Variants in KAZN observed in about 807,000 individuals in gnomAD.
The protein encoded by KAZN is kazrin.
In KAZN, 40 loss-of-function variants were observed where a neutral mutation model predicts 87.4. The ratio of observed to expected loss-of-function variants is 0.46; its 90% CI spans 0.36 to 0.60. The LOEUF is 0.60. Among genes scored for constraint, KAZN ranks in the 20% least tolerant of loss-of-function variants. The probability of loss-of-function intolerance (pLI) is 0.00; values close to 1 mark genes in which losing one functional copy is unlikely to be tolerated. For synonymous variants in KAZN, 466 were observed against 458.3 expected (o/e 1.02, Z -0.22); for missense variants, 898 against 1,073.9 (o/e 0.84, Z 2.29).
At chr1:14,035,950 G>T (rs1641536480) in intron 1 of KAZN, among the ~76,000 whole-genome samples, 1 of 152,178 alleles carries the variant, frequency 6.6e-6, no homozygotes, top group Non-Finnish European at 1.5e-5. Flanking sequence ...TTATCCCTTG[G>T]CAGGCTCAGG....
chr1:14,747,208 A>G (rs1233901852), intron 1 of KAZN, among the ~76,000 whole-genome samples: 1 of 152,146 alleles, frequency 6.6e-6, no homozygotes, highest in Non-Finnish European at 1.5e-5. Context: ...TGTGGTGTGT[A>G]TGTGTATGTA....
intron 1 of KAZN, among the ~76,000 whole-genome samples, chr1:14,636,378 G>T (rs533322643): frequency 6.6e-6 from 1 of 152,240 alleles, no homozygotes; most frequent in Non-Finnish European, 1.5e-5. Flanking sequence ...TGGAGAGAGT[G>T]TTGTCTGACC....
At chr1:14,045,467 A>G (rs1883646) in intron 1 of KAZN, among the ~76,000 whole-genome samples, 21,486 of 152,232 alleles carry the variant, frequency 0.14, 1,916 homozygotes, top group Middle Eastern at 0.25. Flanking sequence ...TCCATAACCC[A>G]ATTGTAAGGA....
chr1:14,593,907 C>T (rs778384252), upstream of KAZN, among the ~76,000 whole-genome samples: 7 of 152,144 alleles, frequency 4.6e-5, no homozygotes, highest in Non-Finnish European at 7.3e-5. Context: ...GGAAGTGCCA[C>T]GTGACACACA....
At chr1:14,905,442 G>A (rs1333752936) in intron 1 of KAZN, among the ~76,000 whole-genome samples, 1 of 152,180 alleles carries the variant, frequency 6.6e-6, no homozygotes, top group Non-Finnish European at 1.5e-5. Flanking sequence ...ACAAAGGCCT[G>A]CACTGGAAAA....
intron 13 of KAZN, among the ~76,000 whole-genome samples, chr1:15,105,664 A>G (rs1390669464): frequency 3.9e-5 from 6 of 152,036 alleles, no homozygotes; most frequent in East Asian, 1.9e-4. Context: ...CTAAACCCCT[A>G]AACCACATGG....
At chr1:14,987,079 G>C (rs1666895536) in intron 2 of KAZN, among the ~76,000 whole-genome samples, 1 of 152,134 alleles carries the variant, frequency 6.6e-6, no homozygotes, top group Non-Finnish European at 1.5e-5. Flanking sequence ...GCGTAGAGGA[G>C]AAGCAAGGAA....
intron 1 of KAZN, among the ~76,000 whole-genome samples, chr1:14,067,788 AG>A (rs762362510): frequency 2.6e-5 from 4 of 152,228 alleles, no homozygotes; most frequent in Non-Finnish European, 5.9e-5. Flanking sequence ...CAGCTGATCC[AG>A]GGCACCCACG....
chr1:13,954,143 G>A (rs559104633), intron 1 of KAZN, among the ~76,000 whole-genome samples: 1 of 152,266 alleles, frequency 6.6e-6, no homozygotes, highest in Non-Finnish European at 1.5e-5. Context: ...GGCGGAGGTC[G>A]CAGTGAGCCG....
intron 2 of KAZN, among the ~76,000 whole-genome samples, chr1:14,417,123 G>C (rs1470027954): frequency 6.6e-6 from 1 of 151,244 alleles, no homozygotes; most frequent in African/African-American, 2.4e-5. Context: ...ACCTGGGAGG[G>C]AGAGGTTGCA....
chr1:13,896,659 C>T (rs1639057315), intron 1 of KAZN, among the ~76,000 whole-genome samples: 1 of 152,172 alleles, frequency 6.6e-6, no homozygotes, highest in South Asian at 2.1e-4. Flanking sequence ...TGCCCGCATG[C>T]CCACCTTCAC....
At position 15,044,154 on chromosome 1, in the gene KAZN, G is replaced by GCCATGGTGAGAACCCTCCCCAC. The variant is rs1673220384; in HGVS notation, c.725_726+20dup. On this transcript the variant is annotated frameshift_variant, in exon 4 of 15. Transcript: ENST00000376030. LOFTEE classifies it high-confidence loss of function. ...GATGAAGGAGCTGGAGGCCGAGCTG[G>GCCATGGTGAGAACCCTCCCCAC]CCATGGTGAGAACCCTCCCCACCCA... 8.7e-6 allele frequency: 14 copies of GCCATGGTGAGAACCCTCCCCAC among 1,602,608 alleles called. No homozygotes were observed. The Admixed American group carries it at 2.4e-4, about 27-fold the overall frequency.
intron 1 of KAZN, among the ~76,000 whole-genome samples, chr1:14,158,414 T>A (rs138289285): frequency 6.6e-6 from 1 of 152,166 alleles, no homozygotes; most frequent in Non-Finnish European, 1.5e-5. Flanking sequence ...TTTTTCAGTA[T>A]GCCAATTGCA....
chr1:14,083,587 T>C (rs1643757021), intron 1 of KAZN, among the ~76,000 whole-genome samples: 1 of 152,246 alleles, frequency 6.6e-6, no homozygotes, highest in Non-Finnish European at 1.5e-5. Flanking sequence ...GCATCTTTAT[T>C]GTGCTTTCAG....
At chr1:14,355,568 T>C (rs1658951393) in intron 2 of KAZN, among the ~76,000 whole-genome samples, 1 of 152,202 alleles carries the variant, frequency 6.6e-6, no homozygotes, top group East Asian at 1.9e-4. Context: ...CTCCTAATGC[T>C]GTCCATCCCC....
In KAZN at chr1:14,696,966, G is replaced by A. The variant is rs140064012; in HGVS notation, c.226+97743G>A. 1.3e-3 allele frequency among the ~76,000 whole-genome samples: 199 copies of A among 152,108 alleles called. 4 individuals carry two copies. The East Asian group carries it at 0.032, about 25-fold the overall frequency. On this transcript the variant is annotated intron_variant, in intron 1 of 14. Transcript: ENST00000376030. ...GTTCACATTCTTGGTTCCAGGTGAC[G>A]TTTCCTGGGAGTCAACAACCCTTCT...
At chr1:14,144,411 G>A (rs1645303411) in intron 1 of KAZN, among the ~76,000 whole-genome samples, 1 of 152,140 alleles carries the variant, frequency 6.6e-6, no homozygotes, top group Non-Finnish European at 1.5e-5. Context: ...GGATATAACA[G>A]TTATGTCATT....
At chr1:15,058,515 C>G (rs968561735) in intron 5 of KAZN, among the ~76,000 whole-genome samples, 2 of 152,236 alleles carry the variant, frequency 1.3e-5, no homozygotes, top group African/African-American at 4.8e-5. Context: ...GTGCCAATGC[C>G]TGCAGACAGG....
intron 1 of KAZN, among the ~76,000 whole-genome samples, chr1:13,973,298 CT>C (rs1384339077): frequency 1.3e-5 from 2 of 152,194 alleles, no homozygotes; most frequent in African/African-American, 4.8e-5. Flanking sequence ...TCTAGATCCA[CT>C]GTCTGCCCTT....
Sources: allele counts gnomAD v4.1 joint callset (sites outside exome capture counted in the v4.1 genomes callset), GRCh38; gene constraint gnomAD v4.1.1; transcripts MANE v1.5; gene names NCBI Gene and HGNC (gene_info 2026-07-23, HGNC 2026-07-21).